Variants in PLD1 observed in about 807,000 individuals in gnomAD.
PLD1 encodes phospholipase D1.
In PLD1, 112 loss-of-function variants were observed where a neutral mutation model predicts 137.1. That is an observed-to-expected ratio of 0.82 (90% confidence interval 0.70 to 0.96). The LOEUF (loss-of-function observed/expected upper bound fraction) is 0.96. Among genes scored for constraint, PLD1 ranks in the 40% least tolerant of loss-of-function variants. PLD1 has a pLI of 0.00. For synonymous variants in PLD1, 431 were observed against 454.7 expected, an observed-to-expected ratio of 0.95 and a Z score of 0.66; for missense variants, 1,321 against 1,342.0, an observed-to-expected ratio of 0.98 and a Z score of 0.24.
chr3:171,690,319 G>C (rs1014551471), intron 13 of PLD1, among the ~76,000 whole-genome samples: 1 of 151,740 alleles, frequency 6.6e-6, no homozygotes, highest in African/African-American at 2.4e-5. Context: ...TGGTTTCATT[G>C]ATTTTCTGTA....
chr3:171,743,809 A>C (rs1366585767), intron 1 of PLD1, among the ~76,000 whole-genome samples: 1 of 152,208 alleles, frequency 6.6e-6, no homozygotes, highest in Non-Finnish European at 1.5e-5. Flanking sequence ...CCCACTAGAC[A>C]GGGACACTCT....
At chr3:171,673,063 T>A (rs1451838408) in intron 19 of PLD1, among the ~76,000 whole-genome samples, 2 of 152,214 alleles carry the variant, frequency 1.3e-5, no homozygotes, top group Admixed American at 1.3e-4. Context: ...ATAATGCAAG[T>A]TCAAATCTTA....
At chr3:171,677,145 C>A (rs1177291727) in intron 17 of PLD1, among the ~76,000 whole-genome samples, 1 of 152,018 alleles carries the variant, frequency 6.6e-6, no homozygotes, top group East Asian at 1.9e-4. Flanking sequence ...TATTTTTTAT[C>A]CTGTTGAAAC....
At chr3:171,749,179 C>A (rs906338699) in intron 1 of PLD1, among the ~76,000 whole-genome samples, 3 of 152,164 alleles carry the variant, frequency 2.0e-5, no homozygotes, top group Admixed American at 6.5e-5. Flanking sequence ...AAAAAACCTA[C>A]AGTGTCTAAG....
intron 1 of PLD1, among the ~76,000 whole-genome samples, chr3:171,783,800 A>G (rs1722888791): frequency 6.6e-6 from 1 of 151,840 alleles, no homozygotes. Flanking sequence ...GCACCATCAC[A>G]CTCGACTAAT....
intron 1 of PLD1, among the ~76,000 whole-genome samples, chr3:171,796,198 A>G (rs1331707134): frequency 6.6e-6 from 1 of 152,224 alleles, no homozygotes; most frequent in Non-Finnish European, 1.5e-5. Context: ...CTTACCCAAA[A>G]GGAGTTTATG....
intron 24 of PLD1, among the ~76,000 whole-genome samples, chr3:171,614,193 C>T (rs1578104585): frequency 6.6e-6 from 1 of 152,104 alleles, no homozygotes; most frequent in East Asian, 1.9e-4. Context: ...GAGAAAGGAT[C>T]GAGCACCCTA....
chr3:171,752,793 A>G (rs961266630), intron 1 of PLD1, among the ~76,000 whole-genome samples: 1 of 152,268 alleles, frequency 6.6e-6, no homozygotes, highest in African/African-American at 2.4e-5. Context: ...ACTCAATTCA[A>G]TTCAAAACCT....
In PLD1 at chr3:171,724,789, C is replaced by T; in HGVS notation, c.666-1G>A. On this transcript the variant is annotated splice_acceptor_variant, in intron 7 of 26. Transcript: ENST00000351298. LOFTEE classifies it high-confidence loss of function. ...AGATCTTTTCATTATCATACCTTCT[C>T]TGAAAGAGACAGAAAATTAACCCAT... 6.3e-7 allele frequency: 1 copy of T among 1,584,548 alleles called. No homozygotes were observed. Among genetic ancestry groups the T allele is most frequent in the Non-Finnish European group, 8.7e-7 (1 of 1,156,032 alleles).
chr3:171,704,458 G>A (rs56219312), intron 11 of PLD1, among the ~76,000 whole-genome samples: 12,681 of 94,954 alleles, frequency 0.13, 1,790 homozygotes, highest in African/African-American at 0.37. Flanking sequence ...AAAGAACCAG[G>A]AAAAAAAAAA....
At chr3:171,631,282 T>C (rs1025568043) in intron 23 of PLD1, among the ~76,000 whole-genome samples, 1 of 152,174 alleles carries the variant, frequency 6.6e-6, no homozygotes, top group Admixed American at 6.5e-5. Flanking sequence ...ACCTATTTTC[T>C]GTGTATTAAA....
Position 171,644,942 on chromosome 3 carries a change from A to G in PLD1, c.2511T>C (p.Asn837=). Residue 837 remains asparagine (N), a synonymous_variant, in exon 22 of 27, where the codon AAT becomes AAC. Coordinates refer to ENST00000351298, the MANE Select transcript of PLD1 (RefSeq NM_002662.5). ...FEGDISTGGG[N]ALQAIMHFNY... is the part of the protein sequence containing the mutation. ...TGAAGTGCATGATTGCCTGTAGAGC[A>G]TTTCCTCCGCCGGTTGAAATGTCTC... 2 of 1,613,558 alleles carry G rather than the reference A, an allele frequency of 1.2e-6. No homozygotes were observed. Among genetic ancestry groups the G allele is most frequent in the Non-Finnish European group, 1.7e-6 (2 of 1,179,456 alleles).
At position 171,686,799 on chromosome 3, in the gene PLD1, C is replaced by G; in HGVS notation, c.1754-1G>C. The G allele has an allele frequency of 7.2e-7, 1 of 1,380,334 alleles. No homozygotes were observed. The allele number at this position is 1,380,334 out of a possible 1,614,324, so 85.5% of individuals were successfully genotyped here. A position where few individuals can be genotyped will look rare whatever the true frequency, so the allele number is the denominator to read the frequency against. ...TGACTTCTATAGTGATTAAAATAAC[C>G]TAGAGAAATTAAGAATTTTTTTACA... On this transcript the variant is annotated splice_acceptor_variant, in intron 15 of 26. Coordinates refer to ENST00000351298, the MANE Select transcript of PLD1 (RefSeq NM_002662.5). LOFTEE classifies it high-confidence loss of function.
At chr3:171,624,303 T>C (rs1240165204) in intron 23 of PLD1, among the ~76,000 whole-genome samples, 2 of 152,020 alleles carry the variant, frequency 1.3e-5, no homozygotes, top group East Asian at 1.9e-4. Context: ...GGAATGCAAA[T>C]AAAAATGACG....
chr3:171,737,937 C>T lies in PLD1; in HGVS notation c.115G>A (p.Glu39Lys). Residue 39 changes from glutamate (E) to lysine (K), a missense_variant, in exon 2 of 27, where the codon GAG becomes AAG. Physicochemically the swap from Glu to Lys is moderately conservative, Grantham distance 56 (BLOSUM62 1). Coordinates refer to ENST00000351298, the MANE Select transcript of PLD1 (RefSeq NM_002662.5). ...DTRELHFEGEEVDYDVSPSDP... is the reference protein window; with the variant it reads ...DTRELHFEGEKVDYDVSPSDP... ...CTGGGAGACACGTCGTAGTCTACCT[C>T]CTCTCCCTCAAAGTGGAGTTCCCGC... 1 of 1,613,910 alleles carries T rather than the reference C, an allele frequency of 6.2e-7. No homozygotes were observed. The highest frequency in any genetic ancestry group is 8.5e-7 in the Non-Finnish European group (1 of 1,179,896).
chr3:171,606,038 G>A (rs1732176726), intron 25 of PLD1, among the ~76,000 whole-genome samples: 1 of 152,184 alleles, frequency 6.6e-6, no homozygotes, highest in African/African-American at 2.4e-5. Context: ...ACACTCTGGG[G>A]GGCAAGGGTT....
intron 26 of PLD1, 127 bp from the exon 27 acceptor site, chr3:171,603,429 A>G: frequency 1.5e-6 from 1 of 650,406 alleles, no homozygotes; most frequent in Non-Finnish European, 2.7e-6. Context: ...CTTATGTTAC[A>G]GCACAGACCT....
chr3:171,700,834 T>A (rs1044592966), intron 11 of PLD1, among the ~76,000 whole-genome samples: 1 of 152,134 alleles, frequency 6.6e-6, no homozygotes, highest in Non-Finnish European at 1.5e-5. Flanking sequence ...AAGAGTACAA[T>A]AGAGTCATTT....
intron 8 of PLD1, among the ~76,000 whole-genome samples, chr3:171,720,293 C>CAAAAAAAAAAA (rs752618596): frequency 7.4e-5 from 5 of 67,906 alleles, no homozygotes; most frequent in African/African-American, 3.0e-4. Flanking sequence ...GACCCTGTCT[C>CAAAAAAAAAAA]AAAAAAAAAA....
Sources: allele counts gnomAD v4.1 joint callset (sites outside exome capture counted in the v4.1 genomes callset), GRCh38; gene constraint gnomAD v4.1.1; transcripts MANE v1.5; gene names NCBI Gene and HGNC (gene_info 2026-07-23, HGNC 2026-07-21).